Variants in KALRN observed in about 807,000 individuals in gnomAD.
KALRN encodes kalirin RhoGEF kinase.
A neutral mutation model predicts 353.7 loss-of-function variants in KALRN; 70 were observed. The observed-to-expected ratio is 0.20, with a 90% confidence interval of 0.16 to 0.24. The LOEUF (loss-of-function observed/expected upper bound fraction) is 0.24, where lower values mean the gene tolerates loss of function less well. Among genes scored for constraint, KALRN ranks in the 10% least tolerant of loss-of-function variants. The pLI, the probability that KALRN is intolerant of heterozygous loss-of-function variation, is 1.00. For synonymous variants in KALRN, 1,391 were observed against 1,434.8 expected (o/e 0.97, Z 0.69); for missense variants, 2,791 against 3,756.7 (o/e 0.74, Z 6.72).
rs2073861636 is a variant in KALRN at position 124,268,905 on chromosome 3, G to A, written c.619G>A (p.Glu207Lys). The change falls in exon 5 of 60, where the codon GAG (glutamate) becomes AAG (lysine). Residue 207 changes from glutamate (E) to lysine (K), a missense_variant. Transcript: ENST00000682506. ...CGCCGTGCACCTGCTCTCGCGCCTC[G>A]AGGACCTCCAGGAGATGCTAGCCCG... Reference protein sequence around the residue: ...NSAVHLLSRLEDLQEMLARKE... With the variant: ...NSAVHLLSRLKDLQEMLARKE... 1 of 1,613,872 alleles carries A rather than the reference G, an allele frequency of 6.2e-7. No individual in the cohort carries two copies. Among genetic ancestry groups the A allele is most frequent in the Admixed American group, 1.7e-5 (1 of 59,988 alleles).
At position 124,674,463 on chromosome 3, in the gene KALRN, G is replaced by T. The variant is rs1041209235; in HGVS notation, c.7042G>T (p.Val2348Phe). 3.1e-6 allele frequency: 5 copies of T among 1,613,952 alleles called. No individual in the cohort carries two copies. The highest frequency in any genetic ancestry group is 4.2e-6 in the Non-Finnish European group (5 of 1,180,028). Residue 2348 changes from valine (V) to phenylalanine (F), a missense_variant, in exon 49 of 60, where the codon GTC (valine) becomes TTC (phenylalanine). Around this residue, in one of 11 missense-constraint regions of KALRN, gnomAD observed 1,065 missense variants for 1,156.4 expected, o/e 0.92. Transcript: ENST00000682506. ...AATCTGTGTGAGCCAAGGTGAGGTG[G>T]TCCAGGTCCTCGCCGTCAACCAGCA... ...NEICVSQGEV[V>F]QVLAVNQQNM...
intron 29 of KALRN, among the ~76,000 whole-genome samples, chr3:124,489,221 C>T (rs1342167403): frequency 6.6e-6 from 1 of 152,082 alleles, no homozygotes; most frequent in African/African-American, 2.4e-5. Flanking sequence ...GTGTGAGAAT[C>T]GCTTGAACCC....
At chr3:124,555,661 G>A (rs1010055634) in intron 33 of KALRN, among the ~76,000 whole-genome samples, 1 of 152,130 alleles carries the variant, frequency 6.6e-6, no homozygotes, top group Non-Finnish European at 1.5e-5. Flanking sequence ...AATAGGAATA[G>A]GTGGGCAGCC....
At position 124,101,683 on chromosome 3, in the gene KALRN, T is replaced by A. The variant is rs574955147; in HGVS notation, c.73+67870T>A. ...CTTTTCCTCGCTCTCATCCTCACCA[T>A]GCCTGCAGCCTTTTTCTGGCTCCTC... On this transcript the variant is annotated intron_variant, in intron 1 of 59. Coordinates refer to ENST00000682506, the MANE Select transcript of KALRN (RefSeq NM_001388419.1). Among the ~76,000 whole-genome samples the A allele has an allele frequency of 3.9e-5, 6 of 152,324 alleles. No homozygotes were observed. The East Asian group carries it at 1.2e-3, about 29-fold the overall frequency.
intron 1 of KALRN, among the ~76,000 whole-genome samples, chr3:124,157,138 A>G (rs1315971553): frequency 6.6e-6 from 1 of 152,188 alleles, no homozygotes; most frequent in East Asian, 1.9e-4. Flanking sequence ...CTCTCTAGAG[A>G]TATTTTTAAA....
Position 124,682,280 on chromosome 3 carries a change from G to T in KALRN, c.7377+2763G>T, listed in dbSNP as rs369971776. Among the ~76,000 whole-genome samples, 4 of 152,296 alleles carry T rather than the reference G, an allele frequency of 2.6e-5. No homozygotes were observed. In the East Asian group the frequency reaches 5.8e-4, roughly 22 times the overall value. On this transcript the variant is annotated intron_variant, in intron 51 of 59. Coordinates refer to ENST00000682506, the MANE Select transcript of KALRN (RefSeq NM_001388419.1). ...ATTTGGGGCATCATTCCCAGACCCA[G>T]CCTGGCCCCCAACCTCACCCTTGTC...
rs775488440 is a variant in KALRN at position 124,269,036 on chromosome 3, G to C, written c.750G>C (p.Glu250Asp). The change falls in exon 5 of 60, where the codon GAG becomes GAC. Residue 250 changes from glutamate (E) to aspartate (D), a missense_variant. Glu to Asp is a conservative substitution (Grantham distance 45). Coordinates refer to ENST00000682506, the MANE Select transcript of KALRN (RefSeq NM_001388419.1). ...LKAPVEELDREGQRLLQCIRC... is the reference protein window; with the variant it reads ...LKAPVEELDRDGQRLLQCIRC... ...CCCCTGTGGAGGAGCTGGACCGGGA[G>C]GGGCAGCGGCTGCTGCAGTGCATCC... The C allele has an allele frequency of 1.4e-5, 22 of 1,613,304 alleles. No homozygotes were observed. The highest frequency in any genetic ancestry group is 1.7e-5 in the Non-Finnish European group (20 of 1,179,820).
chr3:124,694,818 C>T (rs963470595), intron 53 of KALRN, among the ~76,000 whole-genome samples: 1 of 152,230 alleles, frequency 6.6e-6, no homozygotes, highest in Non-Finnish European at 1.5e-5. Flanking sequence ...GACTGTGCTC[C>T]AGACCCACAT....
chr3:124,178,745 T>C (rs1452007256), intron 1 of KALRN, among the ~76,000 whole-genome samples: 1 of 152,220 alleles, frequency 6.6e-6, no homozygotes, highest in Non-Finnish European at 1.5e-5. Flanking sequence ...TGTGAAGGCC[T>C]ACCACATTAC....
At chr3:124,248,097 G>GAGAA (rs1248972260) in intron 3 of KALRN, among the ~76,000 whole-genome samples, 1 of 152,210 alleles carries the variant, frequency 6.6e-6, no homozygotes, top group Non-Finnish European at 1.5e-5. Context: ...AGTGTCCTGA[G>GAGAA]AGAAACCACA....
chr3:124,437,002 CAT>C (rs1222997025), intron 17 of KALRN, among the ~76,000 whole-genome samples: 2 of 147,440 alleles, frequency 1.4e-5, no homozygotes, highest in Admixed American at 6.7e-5. Flanking sequence ...CAGATCTTCT[CAT>C]GTGATGCTAG....
chr3:124,175,340 C>T (rs1422121266), intron 1 of KALRN, among the ~76,000 whole-genome samples: 2 of 151,272 alleles, frequency 1.3e-5, no homozygotes, highest in African/African-American at 2.5e-5. Context: ...TGCGCGCTGC[C>T]GAGGGTCCAG....
At chr3:124,446,450 T>C (rs2093842433) in intron 20 of KALRN, among the ~76,000 whole-genome samples, 174 bp downstream of exon 20, 1 of 152,204 alleles carries the variant, frequency 6.6e-6, no homozygotes, top group East Asian at 1.9e-4. Flanking sequence ...CCAAGCTCTA[T>C]GTTTTGAGTT....
chr3:124,037,785 A>G (rs2039566741), intron 1 of KALRN, among the ~76,000 whole-genome samples: 1 of 152,140 alleles, frequency 6.6e-6, no homozygotes, highest in Non-Finnish European at 1.5e-5. Flanking sequence ...AATGAAGCCC[A>G]TGAGGAAAAT....
intron 34 of KALRN, among the ~76,000 whole-genome samples, chr3:124,578,778 A>C (rs1310315496): frequency 2.0e-5 from 3 of 152,074 alleles, no homozygotes; most frequent in Admixed American, 6.5e-5. Context: ...AAAAAAAAAA[A>C]AAACCTATAG....
chr3:124,282,865 C>G (rs943680825), intron 5 of KALRN, among the ~76,000 whole-genome samples: 4 of 152,232 alleles, frequency 2.6e-5, no homozygotes, highest in Non-Finnish European at 5.9e-5. Context: ...CCCAGCCTGG[C>G]TCCCTGCATG....
In KALRN at chr3:124,455,302, C is replaced by T; in HGVS notation, c.3678C>T (p.Ser1226=). Residue 1226 remains serine (S), a synonymous_variant, in exon 22 of 60, where the codon TCC becomes TCT. Coordinates refer to ENST00000682506, the MANE Select transcript of KALRN (RefSeq NM_001388419.1). Reference sequence around the variant, plus strand: ...TGGACAAGCACTACAGAGATTTCTCCCTGAGGATGGGAAAGTACCGATACT... The same window carrying T: ...TGGACAAGCACTACAGAGATTTCTCTCTGAGGATGGGAAAGTACCGATACT... ...TTVDKHYRDF[S]LRMGKYRYSL... is the part of the protein sequence containing the mutation. 6.2e-7 allele frequency: 1 copy of T among 1,614,102 alleles called. No individual in the cohort carries two copies. Among genetic ancestry groups the T allele is most frequent in the Non-Finnish European group, 8.5e-7 (1 of 1,179,998 alleles).
rs752454092 is a variant in KALRN at position 124,395,329 on chromosome 3, G to A, written c.2157G>A (p.Glu719=). 1 of 1,612,226 alleles carries A rather than the reference G, an allele frequency of 6.2e-7. No homozygotes were observed. Among genetic ancestry groups the A allele is most frequent in the Non-Finnish European group, 8.5e-7 (1 of 1,179,366 alleles). ...GGTCAGCGCCTCCCTCCCTCGGGGA[G>A]CCCAGCGAGGCCAGGTCAGCATGGG... ...QLRSAPPSLG[E]PSEARDSAVS... Residue 719 remains glutamate (E), a synonymous_variant, in exon 12 of 60, where the codon GAG becomes GAA. Transcript: ENST00000682506.
intron 9 of KALRN, among the ~76,000 whole-genome samples, chr3:124,346,069 A>G (rs1199692729): frequency 6.6e-6 from 1 of 152,172 alleles, no homozygotes; most frequent in Non-Finnish European, 1.5e-5. Flanking sequence ...GCAGGCAGTG[A>G]GTGGGCTCAC....
Sources: gnomAD v4.1 joint callset for allele counts (sites outside exome capture counted in the v4.1 genomes callset) on GRCh38, gnomAD v4.1.1 for gene constraint, gnomAD v4.1.1 regional missense constraint, MANE v1.5 for transcripts, NCBI Gene and HGNC (gene_info 2026-07-23, HGNC 2026-07-21) for gene names.